SOX6: variants seen among roughly 807,000 people sequenced by gnomAD.
The protein encoded by SOX6 is SRY-box transcription factor 6.
A neutral mutation model predicts 97.8 loss-of-function variants in SOX6; 11 were observed. That is an observed-to-expected ratio of 0.11 (90% CI 0.07 to 0.19). SOX6 has a LOEUF of 0.19. Among genes scored for constraint, SOX6 ranks in the 10% least tolerant of loss-of-function variants. The pLI, the probability that SOX6 is intolerant of heterozygous loss-of-function variation, is 1.00. For synonymous variants in SOX6, 360 were observed against 371.4 expected (o/e 0.97, Z 0.35); for missense variants, 810 against 1,039.5 (o/e 0.78, Z 3.04).
chr11:15,982,683 G>T lies in SOX6; in HGVS notation c.2183+3521C>A, dbSNP rs529848119. ...AGGAAATAAACGCAAGAAAAAAAAA[G>T]TCTGTAGATGTTCCATACAGATGCA... On this transcript the variant is annotated intron_variant, in intron 15 of 15. Transcript: ENST00000683767. Among the ~76,000 whole-genome samples the T allele has an allele frequency of 2.3e-4, 35 of 151,990 alleles. 1 individual carries two copies. Among genetic ancestry groups the T allele is most frequent in the Admixed American group, 2.2e-3 (33 of 15,248 alleles).
At chr11:16,310,587 T>C (rs539336661) in intron 3 of SOX6, among the ~76,000 whole-genome samples, 16 of 152,220 alleles carry the variant, frequency 1.1e-4, no homozygotes, top group Middle Eastern at 3.4e-3. Flanking sequence ...AATGAAGTTG[T>C]ATCAGCATTG....
intron 1 of SOX6, among the ~76,000 whole-genome samples, chr11:16,384,592 G>GT (rs1258711698): frequency 6.6e-6 from 1 of 150,644 alleles, no homozygotes; most frequent in African/African-American, 2.4e-5. Flanking sequence ...CAATTTTAGA[G>GT]TAAAAAAAAA....
At chr11:16,604,970 C>A (rs920463211) in intron 4 of SOX6, among the ~76,000 whole-genome samples, 2 of 152,140 alleles carry the variant, frequency 1.3e-5, no homozygotes, top group Non-Finnish European at 2.9e-5. Flanking sequence ...CGGGCCGCTC[C>A]TCCCGGCATC....
At chr11:16,737,725 G>C (rs1464251468) in intron 1 of SOX6, among the ~76,000 whole-genome samples, 1 of 152,080 alleles carries the variant, frequency 6.6e-6, no homozygotes, top group Non-Finnish European at 1.5e-5. Context: ...TCTGGAGAGA[G>C]GGCGAGAAAT....
intron 1 of SOX6, among the ~76,000 whole-genome samples, chr11:16,449,324 G>C (rs555585590): frequency 1.8e-5 from 2 of 108,784 alleles, no homozygotes; most frequent in Non-Finnish European, 3.3e-5. Flanking sequence ...ACGGAGTCTC[G>C]CTGTGTCGCC....
At chr11:16,083,323 A>G (rs1404318840) in intron 9 of SOX6, among the ~76,000 whole-genome samples, 1 of 152,194 alleles carries the variant, frequency 6.6e-6, no homozygotes, top group Non-Finnish European at 1.5e-5. Flanking sequence ...GAATCAATCT[A>G]TGAATGAACT....
At chr11:16,267,487 T>C (rs1376339293) in intron 3 of SOX6, among the ~76,000 whole-genome samples, 1 of 151,478 alleles carries the variant, frequency 6.6e-6, no homozygotes, top group Non-Finnish European at 1.5e-5. Context: ...CAAAATCATA[T>C]GGAGATATCA....
intron 1 of SOX6, among the ~76,000 whole-genome samples, chr11:16,474,584 T>A (rs1019682474): frequency 2.6e-5 from 4 of 152,164 alleles, no homozygotes; most frequent in African/African-American, 9.7e-5. Context: ...TAAGGGAATC[T>A]TTTTTTCTGA....
intron 9 of SOX6, among the ~76,000 whole-genome samples, chr11:16,092,309 C>T (rs1430206357): frequency 2.0e-5 from 3 of 151,800 alleles, no homozygotes; most frequent in Non-Finnish European, 4.4e-5. Context: ...AAGAATAACC[C>T]TATTATTTGA....
chr11:16,391,897 C>G (rs960859406), intron 1 of SOX6, among the ~76,000 whole-genome samples: 17 of 151,658 alleles, frequency 1.1e-4, no homozygotes, highest in Non-Finnish European at 2.5e-4. Context: ...TTAAAAGACA[C>G]CAGGTTTTGC....
intron 4 of SOX6, among the ~76,000 whole-genome samples, chr11:16,515,688 G>A (rs1416283207): frequency 1.8e-4 from 22 of 119,078 alleles, no homozygotes; most frequent in Admixed American, 4.9e-4. Flanking sequence ...TAGGTCTAAC[G>A]TTTAAGTCTT....
At chr11:16,372,579 A>T (rs1296180594) in intron 1 of SOX6, among the ~76,000 whole-genome samples, 9 of 152,082 alleles carry the variant, frequency 5.9e-5, no homozygotes, top group Non-Finnish European at 1.3e-4. Context: ...TTCACAGATA[A>T]GCCCAGTTGA....
chr11:16,079,208 C>A (rs1051539960), intron 9 of SOX6, among the ~76,000 whole-genome samples: 1 of 152,062 alleles, frequency 6.6e-6, no homozygotes, highest in Non-Finnish European at 1.5e-5. Flanking sequence ...CTATGCCCTT[C>A]GATTTCCATC....
chr11:16,620,068 C>T (rs1417330663), intron 3 of SOX6, among the ~76,000 whole-genome samples: 1 of 152,130 alleles, frequency 6.6e-6, no homozygotes, highest in East Asian at 1.9e-4. Flanking sequence ...GAACCAGCAA[C>T]ATTTAGTCCT....
intron 3 of SOX6, among the ~76,000 whole-genome samples, chr11:16,705,447 A>G (rs186451822): frequency 8.4e-4 from 127 of 152,094 alleles, no homozygotes; most frequent in African/African-American, 2.9e-3. Context: ...CAATATAGAG[A>G]GACCTCGTCC....
At chr11:16,085,431 A>T (rs1225780269) in intron 9 of SOX6, among the ~76,000 whole-genome samples, 2 of 152,198 alleles carry the variant, frequency 1.3e-5, no homozygotes, top group African/African-American at 2.4e-5. Flanking sequence ...GTTTGATAAA[A>T]TTCAATGAAG....
At chr11:16,479,306 G>A (rs1312333191), upstream of SOX6, among the ~76,000 whole-genome samples, 4 of 152,180 alleles carry the variant, frequency 2.6e-5, no homozygotes, top group Non-Finnish European at 4.4e-5. Context: ...GAGGCAGGCG[G>A]ATCACTTGAG....
chr11:16,438,156 T>C (rs947823041), intron 1 of SOX6, among the ~76,000 whole-genome samples: 13 of 152,170 alleles, frequency 8.5e-5, no homozygotes, highest in Non-Finnish European at 1.0e-4. Flanking sequence ...TATACATATA[T>C]ATACACTATA....
intron 3 of SOX6, among the ~76,000 whole-genome samples, chr11:16,675,270 C>T (rs929488367): frequency 2.6e-5 from 4 of 152,222 alleles, no homozygotes; most frequent in Non-Finnish European, 4.4e-5. Context: ...CTGCTTCAGC[C>T]TCCCATGTAG....
Sources: gnomAD v4.1 joint callset for allele counts (sites outside exome capture counted in the v4.1 genomes callset) on GRCh38, gnomAD v4.1.1 for gene constraint, MANE v1.5 for transcripts, NCBI Gene and HGNC (gene_info 2026-07-23, HGNC 2026-07-21) for gene names.